The following KLHL29 variants were observed in gnomAD, a reference collection of about 807,000 sequenced individuals.
KLHL29 encodes the protein kelch-like protein 29.
Under a neutral mutation model 80.4 loss-of-function variants are expected in KLHL29, and 21 were observed. That is an observed-to-expected ratio of 0.26 (90% CI 0.19 to 0.38). The LOEUF is 0.38. Ranked by LOEUF, KLHL29 falls within the 10% of genes least tolerant of loss-of-function variation. KLHL29 has a pLI of 1.00. For missense variants in KLHL29, 867 were observed against 1,223.9 expected (o/e 0.71, Z 4.35); for synonymous variants, 511 against 526.8 (o/e 0.97, Z 0.41).
At chr2:23,613,175 G>A (rs1668912189) in intron 3 of KLHL29, among the ~76,000 whole-genome samples, 1 of 152,152 alleles carries the variant, frequency 6.6e-6, no homozygotes, top group Non-Finnish European at 1.5e-5. Flanking sequence ...CACAGAACAA[G>A]TGAGACACAG....
At position 23,439,719 on chromosome 2, in the gene KLHL29, C is replaced by T. The variant is rs568742567; in HGVS notation, c.-153-35841C>T. 3.9e-3 allele frequency among the ~76,000 whole-genome samples: 593 copies of T among 150,618 alleles called. 7 individuals carry two copies. Among genetic ancestry groups the T allele is most frequent in the African/African-American group, 0.013 (529 of 41,094 alleles). On this transcript the variant is annotated intron_variant, in intron 1 of 13. Transcript: ENST00000486442. ...GTTCTTTTACATTTGCTGAGGAGAG[C>T]TTTACTTCCAAGTATGTGGTCAATT...
At chr2:23,591,850 G>A (rs367868324) in intron 3 of KLHL29, among the ~76,000 whole-genome samples, 5 of 152,256 alleles carry the variant, frequency 3.3e-5, no homozygotes, top group Admixed American at 1.3e-4. Context: ...CCCTGGGAGC[G>A]GTGCACATTC....
chr2:23,627,673 G>A (rs557016308), intron 3 of KLHL29, among the ~76,000 whole-genome samples: 24 of 152,132 alleles, frequency 1.6e-4, no homozygotes, highest in Admixed American at 5.9e-4. Context: ...ACTCTGCCGC[G>A]TCCCCTCTCT....
intron 1 of KLHL29, among the ~76,000 whole-genome samples, chr2:23,459,475 C>T (rs964875141): frequency 6.6e-6 from 1 of 152,106 alleles, no homozygotes; most frequent in Non-Finnish European, 1.5e-5. Context: ...AAAACATCTT[C>T]TAGGAGCTCT....
intron 3 of KLHL29, among the ~76,000 whole-genome samples, chr2:23,571,358 G>A (rs924018754): frequency 6.6e-6 from 1 of 152,230 alleles, no homozygotes; most frequent in Non-Finnish European, 1.5e-5. Flanking sequence ...AAGTGACCTC[G>A]TGGTCTGTAG....
chr2:23,533,735 G>C (rs944014466), intron 2 of KLHL29, among the ~76,000 whole-genome samples: 5 of 152,202 alleles, frequency 3.3e-5, no homozygotes, highest in Non-Finnish European at 7.3e-5. Context: ...CCAATGAAGA[G>C]AACAGAATTT....
intron 2 of KLHL29, among the ~76,000 whole-genome samples, chr2:23,555,082 G>A (rs1053749283): frequency 3.3e-5 from 5 of 151,748 alleles, no homozygotes; most frequent in African/African-American, 9.7e-5. Flanking sequence ...CTAGTGACAC[G>A]AGGTCCCCTG....
At chr2:23,567,129 G>T (rs1667607557) in intron 3 of KLHL29, among the ~76,000 whole-genome samples, 1 of 152,216 alleles carries the variant, frequency 6.6e-6, no homozygotes, top group Non-Finnish European at 1.5e-5. Flanking sequence ...CTGTTTGTGG[G>T]CCTGAAGGGA....
chr2:23,562,319 C>A lies in KLHL29; in HGVS notation c.123C>A (p.Gly41=). The change falls in exon 3 of 14, where the codon GGC becomes GGA. Residue 41 remains glycine, a synonymous_variant. Transcript: ENST00000486442. The surrounding 1 kb of genome is among the most constrained non-coding windows in gnomAD (Gnocchi z 4.5). ...GCAGTGTCACCTCGGGGGCCGGTGG[C>A]GGCACAGCCAGCAGCCTCAGCGTCC... ...SICSVTSGAG[G]GTASSLSVRP... is the part of the protein sequence containing the mutation. The A allele has an allele frequency of 6.5e-7, 1 of 1,544,856 alleles. No individual in the cohort carries two copies. The highest frequency in any genetic ancestry group is 8.7e-7 in the Non-Finnish European group (1 of 1,143,886).
chr2:23,699,503 C>T (rs1672220838), intron 11 of KLHL29, among the ~76,000 whole-genome samples: 1 of 152,216 alleles, frequency 6.6e-6, no homozygotes, highest in African/African-American at 2.4e-5. Flanking sequence ...TGAAGCAAGA[C>T]CTCAAACATC....
At chr2:23,675,646 G>T (rs1175062184) in intron 5 of KLHL29, among the ~76,000 whole-genome samples, 2 of 152,180 alleles carry the variant, frequency 1.3e-5, no homozygotes, top group African/African-American at 4.8e-5. Flanking sequence ...TTCCCAGGAA[G>T]GCCATTTAAG....
At chr2:23,633,816 C>T (rs1290070965) in intron 3 of KLHL29, among the ~76,000 whole-genome samples, 4 of 147,984 alleles carry the variant, frequency 2.7e-5, no homozygotes, top group African/African-American at 7.5e-5. Context: ...GTGGAAGCTC[C>T]GTGCTATGCT....
At chr2:23,691,041 C>A (rs1167636946) in intron 6 of KLHL29, 1 of 153,436 alleles carries the variant, frequency 6.5e-6, no homozygotes, top group African/African-American at 2.4e-5. Context: ...TCCCCTCCTC[C>A]CGGCTCTCAC....
At chr2:23,448,068 C>T (rs971177316) in intron 1 of KLHL29, among the ~76,000 whole-genome samples, 1 of 151,914 alleles carries the variant, frequency 6.6e-6, no homozygotes, top group African/African-American at 2.4e-5. Context: ...ATATGAGGCC[C>T]AAGACTTTGA....
At position 23,503,687 on chromosome 2, in the gene KLHL29, C is replaced by A. The variant is rs1159248140; in HGVS notation, c.-46+28020C>A. ...TCCATGTTCCAGCTCCTCCCAGGCC[C>A]CCATGGATAAAATAGGGCCACAGGT... On this transcript the variant is annotated intron_variant, in intron 2 of 13. Transcript: ENST00000486442. This position sits in a 1 kb window ranked among gnomAD's most constrained non-coding sequence, Gnocchi z 4.0. Among the ~76,000 whole-genome samples the A allele has an allele frequency of 2.6e-5, 4 of 152,036 alleles. No homozygotes were observed. The highest frequency in any genetic ancestry group is 9.7e-5 in the African/African-American group (4 of 41,376).
intron 1 of KLHL29, among the ~76,000 whole-genome samples, chr2:23,398,809 G>A (rs1163549460): frequency 2.0e-5 from 3 of 152,212 alleles, no homozygotes; most frequent in Non-Finnish European, 4.4e-5. Context: ...TTATGTGTCA[G>A]GGTGGTGACT....
At chr2:23,435,359 A>G (rs1450405534) in intron 1 of KLHL29, among the ~76,000 whole-genome samples, 1 of 152,172 alleles carries the variant, frequency 6.6e-6, no homozygotes, top group Non-Finnish European at 1.5e-5. Context: ...CACATTTGGA[A>G]GATGGCCTGT....
intron 2 of KLHL29, among the ~76,000 whole-genome samples, chr2:23,551,583 C>G (rs149241043): frequency 3.3e-5 from 5 of 152,308 alleles, no homozygotes; most frequent in African/African-American, 9.6e-5. Flanking sequence ...GAACATTTGT[C>G]TTTTTAGATC....
Position 23,657,095 on chromosome 2 carries a change from G to A in KLHL29, c.940+14245G>A, listed in dbSNP as rs190643823. 7.4e-4 allele frequency among the ~76,000 whole-genome samples: 113 copies of A among 152,174 alleles called. 1 individual carries two copies. Among genetic ancestry groups the A allele is most frequent in the Admixed American group, 6.9e-3 (106 of 15,284 alleles). ...TTTGGGGAGTAGAGGCCAGAAGTGGGGTCCTCTGAGGACACCCCTTACTCC... is the reference window on the plus strand; with the variant it reads ...TTTGGGGAGTAGAGGCCAGAAGTGGAGTCCTCTGAGGACACCCCTTACTCC... On this transcript the variant is annotated intron_variant, in intron 5 of 13. Transcript: ENST00000486442.
Sources: gnomAD v4.1 joint callset for allele counts (sites outside exome capture counted in the v4.1 genomes callset) on GRCh38, gnomAD v4.1.1 for gene constraint, Gnocchi (gnomAD v3.1) non-coding constraint, MANE v1.5 for transcripts, NCBI Gene and HGNC (gene_info 2026-07-23, HGNC 2026-07-21) for gene names.